Variants in DHX36 observed in about 807,000 individuals in gnomAD.
DHX36 encodes the protein DEAH-box helicase 36, also known as ATP-dependent DNA/RNA helicase DHX36.
A neutral mutation model predicts 139.0 loss-of-function variants in DHX36; 50 were observed. The observed-to-expected ratio is 0.36, with a 90% CI of 0.29 to 0.46. The LOEUF is 0.46. Among genes scored for constraint, DHX36 ranks in the 20% least tolerant of loss-of-function variants. The pLI is 1.00. For synonymous variants in DHX36, 425 were observed against 401.9 expected, an observed-to-expected ratio of 1.06 and a Z score of -0.69; for missense variants, 1,024 against 1,211.3, an observed-to-expected ratio of 0.85 and a Z score of 2.29.
intron 1 of DHX36, among the ~76,000 whole-genome samples, chr3:154,323,465 T>C (rs1008403649): frequency 3.3e-5 from 5 of 152,204 alleles, no homozygotes; most frequent in Admixed American, 3.3e-4. Context: ...TATTTTTTAT[T>C]AGAATTTTAT....
chr3:154,295,266 T>C lies in DHX36; in HGVS notation c.1605+18A>G. ...CTCAGTTTGAAATACATTTAACAAA[T>C]GTATCCATTTAACATACCTGTGTCT... On this transcript the variant is annotated intron_variant, in intron 13 of 24. Coordinates refer to ENST00000496811, the MANE Select transcript of DHX36 (RefSeq NM_020865.3). The C allele has an allele frequency of 6.7e-7, 1 of 1,491,540 alleles. No individual in the cohort carries two copies. Among genetic ancestry groups the C allele is most frequent in the Non-Finnish European group, 9.1e-7 (1 of 1,094,488 alleles). The allele number at this position is 1,491,540 out of a possible 1,614,324, so 92.4% of individuals were successfully genotyped here. A position where few individuals can be genotyped will look rare whatever the true frequency, so the allele number is the denominator to read the frequency against.
At chr3:154,321,069 T>C (rs759524031) in intron 1 of DHX36, among the ~76,000 whole-genome samples, 4 of 152,180 alleles carry the variant, frequency 2.6e-5, no homozygotes, top group Non-Finnish European at 5.9e-5. Context: ...TGACCAGCAT[T>C]AATAAAAAGA....
intron 1 of DHX36, among the ~76,000 whole-genome samples, chr3:154,320,303 G>C (rs1713140032): frequency 6.6e-6 from 1 of 151,956 alleles, no homozygotes; most frequent in Non-Finnish European, 1.5e-5. Flanking sequence ...GTGATCTACA[G>C]ACCAGCAACA....
In DHX36 at chr3:154,315,263, G is replaced by T. The variant is rs1712930304; in HGVS notation, c.386C>A (p.Ser129Tyr). The T allele has an allele frequency of 1.2e-6, 2 of 1,611,648 alleles. No individual in the cohort carries two copies. Among genetic ancestry groups the T allele is most frequent in the Admixed American group, 1.7e-5 (1 of 59,732 alleles). Residue 129 changes from serine (S) to tyrosine (Y), a missense_variant, in exon 3 of 25, where the codon TCT (serine) becomes TAT (tyrosine). Ser to Tyr is a moderately radical substitution (Grantham distance 144). Around this residue, in one of 4 missense-constraint regions of DHX36, gnomAD observed 293 missense variants for 274.4 expected, o/e 1.07. Coordinates refer to ENST00000496811, the MANE Select transcript of DHX36 (RefSeq NM_020865.3). ...PEDHGYGTEV[S>Y]TKNTPCSENK... ...CTCTGAGCATGGTGTGTTCTTAGTA[G>T]AAACTTCAGTACCGTATCTGTTTTG...
chr3:154,289,957 A>G lies in DHX36; in HGVS notation c.1815-131T>C, dbSNP rs1407891070. The G allele has an allele frequency of 5.3e-6, 3 of 564,634 alleles. No homozygotes were observed. The East Asian group carries it at 8.6e-5, about 16-fold the overall frequency. 35.0% of individuals were successfully genotyped at this position (564,634 alleles called of 1,614,324 possible). A position where few individuals can be genotyped will look rare whatever the true frequency, so the allele number is the denominator to read the frequency against. On this transcript the variant is annotated intron_variant, in intron 15 of 24. Transcript: ENST00000496811. ...TTACATGCCACATAATAGCTAATGT[A>G]CGTAATTATTTTTTCCTTTTTATGA...
chr3:154,308,067 G>C (rs1434335100), intron 5 of DHX36, among the ~76,000 whole-genome samples: 1 of 152,200 alleles, frequency 6.6e-6, no homozygotes, highest in Non-Finnish European at 1.5e-5. Context: ...TGGAGACTCA[G>C]AAGAGAAGAC....
intron 4 of DHX36, among the ~76,000 whole-genome samples, chr3:154,310,943 C>T (rs894441962): frequency 6.8e-6 from 1 of 147,402 alleles, no homozygotes; most frequent in Admixed American, 6.8e-5. Context: ...AGTTTGAACA[C>T]TGAAATTATA....
intron 10 of DHX36, 112 bp from the exon 11 acceptor site, chr3:154,300,808 CG>C: frequency 1.6e-6 from 2 of 1,257,888 alleles, no homozygotes; most frequent in Non-Finnish European, 2.3e-6. Flanking sequence ...ATCTACAGAT[CG>C]GAGAGAATTA....
intron 16 of DHX36, among the ~76,000 whole-genome samples, chr3:154,289,477 T>C (rs931222189): frequency 6.6e-6 from 1 of 152,176 alleles, no homozygotes; most frequent in African/African-American, 2.4e-5. Context: ...TTTTCCGGGG[T>C]AGAAGCAGGA....
Position 154,300,611 on chromosome 3 carries a change from T to C in DHX36, c.1444A>G (p.Ile482Val). Reference protein sequence around the residue: ...LNLIVALIRYIVLEEEDGAIL... With the variant: ...LNLIVALIRYVVLEEEDGAIL... ...AAACTAACCTCTTCTTCCAAAACAA[T>C]GTATCGGATGAGGGCAACAATCAAA... The change falls in exon 11 of 25, where the codon ATT becomes GTT. Residue 482 changes from isoleucine (I) to valine (V), a missense_variant. Transcript: ENST00000496811. 2 of 1,613,118 alleles carry C rather than the reference T, an allele frequency of 1.2e-6. No homozygotes were observed. The highest frequency in any genetic ancestry group is 1.7e-6 in the Non-Finnish European group (2 of 1,179,542).
chr3:154,286,406 C>A (rs1039105543), intron 17 of DHX36, among the ~76,000 whole-genome samples: 3 of 151,596 alleles, frequency 2.0e-5, no homozygotes, highest in African/African-American at 2.4e-5. Context: ...GGGGACTTTA[C>A]AGCATTAATG....
chr3:154,313,943 A>C (rs1319010124), intron 3 of DHX36, among the ~76,000 whole-genome samples: 1 of 152,202 alleles, frequency 6.6e-6, no homozygotes, highest in Non-Finnish European at 1.5e-5. Context: ...AAGCTTAAAT[A>C]ATATAGTACA....
chr3:154,277,666 C>T lies in DHX36; in HGVS notation c.2620G>A (p.Val874Ile). ...TGAAAGTCTGTTTGCTCCACATTAA[C>T]AGATTTAGGATGAACAGCAACCAGG... ...DGLVAVHPKS[V>I]NVEQTDFHYN... The change falls in exon 23 of 25, where the codon GTT (valine) becomes ATT (isoleucine). Residue 874 changes from valine to isoleucine, a missense_variant. Coordinates refer to ENST00000496811, the MANE Select transcript of DHX36 (RefSeq NM_020865.3). 1 of 1,612,332 alleles carries T rather than the reference C, an allele frequency of 6.2e-7. No individual in the cohort carries two copies. The highest frequency in any genetic ancestry group is 8.5e-7 in the Non-Finnish European group (1 of 1,178,886).
chr3:154,300,726 TACTTAATC>T, intron 10 of DHX36, 30 bp from the exon 11 acceptor site: 1 of 1,548,822 alleles, frequency 6.5e-7, no homozygotes, highest in Non-Finnish European at 8.8e-7. Context: ...AGTCATGAAA[TACTTAATC>T]AAGTTTTCTG....
At chr3:154,320,631 C>T (rs374199897) in intron 1 of DHX36, among the ~76,000 whole-genome samples, 9 of 152,310 alleles carry the variant, frequency 5.9e-5, no homozygotes, top group East Asian at 1.9e-4. Context: ...CATAGCTGAG[C>T]CTTCTTCCAA....
chr3:154,272,673 GTCCAGGGAGGATGTATTAT>G lies in DHX36; in HGVS notation c.*3479_*3497del, dbSNP rs1045836104. On this transcript the variant is annotated 3_prime_UTR_variant, in exon 25 of 25. Transcript: ENST00000496811. Reference sequence around the variant, plus strand: ...TTACTTTGCTACATTTCCAAATATTGTCCAGGGAGGATGTATTATTTTAAAATCAGAACAAAAATCCCAT... The same window carrying G: ...TTACTTTGCTACATTTCCAAATATTGTTTAAAATCAGAACAAAAATCCCAT... 1 of 151,650 alleles carries G rather than the reference GTCCAGGGAGGATGTATTAT, an allele frequency of 6.6e-6. No individual in the cohort carries two copies. Among genetic ancestry groups the G allele is most frequent in the Non-Finnish European group, 1.5e-5 (1 of 67,934 alleles). 9.4% of individuals were successfully genotyped at this position (151,650 alleles called of 1,614,324 possible).
chr3:154,324,446 C>G lies in DHX36; in HGVS notation c.-30G>C, dbSNP rs995291218. On this transcript the variant is annotated 5_prime_UTR_variant, in exon 1 of 25. Coordinates refer to ENST00000496811, the MANE Select transcript of DHX36 (RefSeq NM_020865.3). ...CTGGCAGACTACAACCCGTCAGAAC[C>G]AGCAACCGCTGGAAATGGCGTCCGG... is the stretch of plus-strand genomic sequence containing the variant. 2 of 1,452,684 alleles carry G rather than the reference C, an allele frequency of 1.4e-6. No homozygotes were observed. The highest frequency in any genetic ancestry group is 2.5e-5 in the East Asian group (1 of 40,128). 90.0% of individuals were successfully genotyped at this position (1,452,684 alleles called of 1,614,324 possible). A position where few individuals can be genotyped will look rare whatever the true frequency, so the allele number is the denominator to read the frequency against.
At chr3:154,280,998 AG>A in intron 20 of DHX36, 136 bp from the exon 21 acceptor site, 1 of 661,226 alleles carries the variant, frequency 1.5e-6, no homozygotes, top group South Asian at 2.1e-5. Context: ...TTTTAAAGCA[AG>A]GGTTGGCAAA....
At chr3:154,277,274 A>C (rs1317183792) in intron 23 of DHX36, among the ~76,000 whole-genome samples, 1 of 152,202 alleles carries the variant, frequency 6.6e-6, no homozygotes, top group East Asian at 1.9e-4. Context: ...AATACTTATA[A>C]GGTATACTGA....
Sources: allele counts gnomAD v4.1 joint callset (sites outside exome capture counted in the v4.1 genomes callset), GRCh38; gene constraint gnomAD v4.1.1; regional missense constraint gnomAD v4.1.1; transcripts MANE v1.5; gene names NCBI Gene and HGNC (gene_info 2026-07-23, HGNC 2026-07-21).